Variants in PCDHGA3 observed in about 807,000 individuals in gnomAD.
The protein encoded by PCDHGA3 is protocadherin gamma subfamily A, 3.
PCDHGA3 carries 40 observed loss-of-function variants against 58.5 expected under a neutral mutation model. The observed-to-expected ratio is 0.68, with a 90% CI of 0.53 to 0.89. PCDHGA3 has a LOEUF of 0.89. PCDHGA3 is among the 40% of genes least tolerant of loss of function. PCDHGA3 has a pLI of 0.00. For synonymous variants in PCDHGA3, 530 were observed against 525.7 expected (o/e 1.01, Z -0.11); for missense variants, 1,223 against 1,195.9 (o/e 1.02, Z -0.33).
intron 1 of PCDHGA3, among the ~76,000 whole-genome samples, chr5:141,464,049 G>C (rs1330340459): frequency 6.6e-6 from 1 of 152,124 alleles, no homozygotes; most frequent in Admixed American, 6.5e-5. Context: ...TGGATCACCT[G>C]AGGTCAGGAG....
intron 1 of PCDHGA3, among the ~76,000 whole-genome samples, chr5:141,452,578 C>T (rs2098744735): frequency 6.6e-6 from 1 of 152,150 alleles, no homozygotes; most frequent in African/African-American, 2.4e-5. Flanking sequence ...TCCCCCTTTC[C>T]ATCTTTGTAT....
Position 141,351,673 on chromosome 5 carries a change from C to T in PCDHGA3, c.2424+5216C>T, listed in dbSNP as rs746872217. On this transcript the variant is annotated intron_variant, in intron 1 of 3. Transcript: ENST00000253812. ...CTGGCGCCTCCATTGCACAAGTAAG[C>T]GCCTCCGACCCGGATTTGGGACCCA... The T allele has an allele frequency of 6.8e-6, 11 of 1,613,884 alleles. No homozygotes were observed. In the East Asian group the frequency reaches 8.9e-5, roughly 13 times the overall value.
chr5:141,361,230 G>A, intron 1 of PCDHGA3: 1 of 1,613,982 alleles, frequency 6.2e-7, no homozygotes, highest in Non-Finnish European at 8.5e-7. Flanking sequence ...CAGGAACAGT[G>A]ATCGCCTTGA....
In PCDHGA3 at chr5:141,345,310, A is replaced by G. The variant is rs758599749; in HGVS notation, c.1277A>G (p.Asp426Gly). 2.9e-5 allele frequency: 46 copies of G among 1,613,986 alleles called. No homozygotes were observed. The highest frequency in any genetic ancestry group is 3.7e-5 in the Non-Finnish European group (44 of 1,179,880). The change falls in exon 1 of 4, where the codon GAT becomes GGT. Residue 426 changes from aspartate to glycine, a missense_variant. Asp to Gly is a moderately conservative substitution (Grantham distance 94). Around this residue, in one of 3 missense-constraint regions of PCDHGA3, gnomAD observed 791 missense variants for 708.5 expected, o/e 1.12. Transcript: ENST00000253812. ...SEYNISLRAS[D>G]GGSPPLSTET... The stretch of plus-strand genomic sequence containing the variant: ...TATAACATTAGTCTGAGAGCCTCAG[A>G]TGGGGGAAGCCCGCCACTGTCCACA...
chr5:141,376,737 A>C, intron 1 of PCDHGA3: 1 of 500,806 alleles, frequency 2.0e-6, no homozygotes, highest in Non-Finnish European at 3.3e-6. Context: ...CGGACTGCGG[A>C]CTGCAGTGGC....
At chr5:141,398,550 A>G (rs1390355431) in intron 1 of PCDHGA3, 2 of 1,613,816 alleles carry the variant, frequency 1.2e-6, no homozygotes, top group Non-Finnish European at 1.7e-6. Context: ...TTGAGCTGCA[A>G]ATAAGTGAGT....
At chr5:141,364,106 G>A (rs1763173743) in intron 1 of PCDHGA3, 1 of 439,014 alleles carries the variant, frequency 2.3e-6, no homozygotes, top group African/African-American at 2.0e-5. Context: ...GCAGTCACTG[G>A]TTAGGACTCT....
rs1354510383 is a variant in PCDHGA3, at chr5:141,432,312, G to A, written c.2425-62495G>A. The A allele has an allele frequency of 5.6e-6, 9 of 1,614,132 alleles. No homozygotes were observed. The highest frequency in any genetic ancestry group is 7.6e-6 in the Non-Finnish European group (9 of 1,180,054). On this transcript the variant is annotated intron_variant, in intron 1 of 3. Transcript: ENST00000253812. The surrounding 1 kb of genome is among the most constrained non-coding windows in gnomAD (Gnocchi z 6.0). Reference sequence around the variant, plus strand: ...GACACTGGGGTACTGTATGCGCTGAGCTCCTTCGACTACGAGCAGTTCCGA... The same window carrying A: ...GACACTGGGGTACTGTATGCGCTGAACTCCTTCGACTACGAGCAGTTCCGA...
intron 1 of PCDHGA3, chr5:141,365,114 C>T (rs1763745605): frequency 6.2e-7 from 1 of 1,613,902 alleles, no homozygotes; most frequent in African/African-American, 1.3e-5. Flanking sequence ...CACTCGGCTG[C>T]TCATGCTAAC....
chr5:141,481,200 T>A (rs977235584), intron 1 of PCDHGA3, among the ~76,000 whole-genome samples: 2 of 152,178 alleles, frequency 1.3e-5, no homozygotes, highest in Non-Finnish European at 2.9e-5. Flanking sequence ...CCAATTTTTT[T>A]AAAAAACATG....
In PCDHGA3 at chr5:141,423,069, G is replaced by A. The variant is rs1364397726; in HGVS notation, c.2425-71738G>A. ...CCTATCGCCTGCTTAAGGCCAGCGA[G>A]CCGGGACTCTTCGCGGTGGGGGAGC... On this transcript the variant is annotated intron_variant, in intron 1 of 3. Transcript: ENST00000253812. 8 of 1,614,034 alleles carry A rather than the reference G, an allele frequency of 5.0e-6. No homozygotes were observed. In the African/African-American group the frequency reaches 1.1e-4, roughly 22 times the overall value.
At position 141,415,070 on chromosome 5, in the gene PCDHGA3, C is replaced by G. The variant is rs538474552; in HGVS notation, c.2424+68613C>G. ...GGGGAGCACACGGGCGAGGTGCGCACGGCGCGAGCCCTGCTGGACAGAGAC... is the reference window on the plus strand; with the variant it reads ...GGGGAGCACACGGGCGAGGTGCGCAGGGCGCGAGCCCTGCTGGACAGAGAC... On this transcript the variant is annotated intron_variant, in intron 1 of 3. Coordinates refer to ENST00000253812, the MANE Select transcript of PCDHGA3 (RefSeq NM_018916.4). 26 of 1,613,284 alleles carry G rather than the reference C, an allele frequency of 1.6e-5. No homozygotes were observed. The Middle Eastern group carries it at 1.5e-3, about 92-fold the overall frequency.
chr5:141,350,304 T>C (rs1159317913), intron 1 of PCDHGA3: 3 of 1,521,476 alleles, frequency 2.0e-6, no homozygotes, highest in Non-Finnish European at 2.6e-6. Context: ...AGTCAGGTAC[T>C]GTTTCCCTTC....
intron 1 of PCDHGA3, among the ~76,000 whole-genome samples, chr5:141,436,531 G>T (rs1365651055): frequency 6.6e-6 from 1 of 152,152 alleles, no homozygotes; most frequent in African/African-American, 2.4e-5. Context: ...CCTTTAGCAA[G>T]TTATTTAATC....
At chr5:141,350,387 T>G in intron 1 of PCDHGA3, 1 of 1,596,080 alleles carries the variant, frequency 6.3e-7, no homozygotes. Flanking sequence ...AGCCAACGGC[T>G]CACGGGTGGG....
At chr5:141,433,400 TATCTATTA>T (rs1426636766) in intron 1 of PCDHGA3, among the ~76,000 whole-genome samples, 16 of 151,506 alleles carry the variant, frequency 1.1e-4, no homozygotes, top group African/African-American at 3.4e-4. Context: ...TCTATCTATC[TATCTATTA>T]CTTTCTTGTA....
In PCDHGA3 at chr5:141,489,449, A is replaced by G; in HGVS notation, c.2425-5358A>G. The G allele has an allele frequency of 6.2e-7, 1 of 1,614,056 alleles. No homozygotes were observed. Among genetic ancestry groups the G allele is most frequent in the Non-Finnish European group, 8.5e-7 (1 of 1,180,016 alleles). On this transcript the variant is annotated intron_variant, in intron 1 of 3. Coordinates refer to ENST00000253812, the MANE Select transcript of PCDHGA3 (RefSeq NM_018916.4). This position sits in a 1 kb window ranked among gnomAD's most constrained non-coding sequence, Gnocchi z 4.5. ...CGGCGGCTGCAATTGGGCTCTGAGG[A>G]GAATGGGCGCTATTTTTCCCTGAGC...
At chr5:141,437,862 C>T (rs535370570) in intron 1 of PCDHGA3, among the ~76,000 whole-genome samples, 5 of 152,002 alleles carry the variant, frequency 3.3e-5, no homozygotes, top group African/African-American at 9.6e-5. Context: ...CTTAGCCTCC[C>T]GAGTAGCTGG....
At chr5:141,427,732 G>T in intron 1 of PCDHGA3, 1 of 1,190,370 alleles carries the variant, frequency 8.4e-7, no homozygotes, top group Non-Finnish European at 1.2e-6. Context: ...GGGCTGAATG[G>T]CCAAGTCTCC....
Sources: gnomAD v4.1 joint callset for allele counts (sites outside exome capture counted in the v4.1 genomes callset) on GRCh38, gnomAD v4.1.1 for gene constraint, gnomAD v4.1.1 regional missense constraint, Gnocchi (gnomAD v3.1) non-coding constraint, MANE v1.5 for transcripts, NCBI Gene and HGNC (gene_info 2026-07-23, HGNC 2026-07-21) for gene names.